The following PPP1R14C variants were observed in gnomAD, a reference collection of about 807,000 sequenced individuals.
PPP1R14C encodes the protein protein phosphatase 1 regulatory subunit 14C.
In PPP1R14C, 16 loss-of-function variants were observed where a neutral mutation model predicts 20.4. The ratio of observed to expected loss-of-function variants is 0.78; its 90% CI spans 0.53 to 1.19. The LOEUF is 1.19. Among genes scored for constraint, PPP1R14C ranks in the 50% most tolerant of loss-of-function variants. The pLI, the probability that PPP1R14C is intolerant of heterozygous loss-of-function variation, is 0.00. For missense variants in PPP1R14C, 211 were observed against 220.1 expected, an observed-to-expected ratio of 0.96 and a Z score of 0.26; for synonymous variants, 91 against 91.0, an observed-to-expected ratio of 1.00 and a Z score of 0.00.
chr6:150,219,028 C>G (rs6926969), intron 3 of PPP1R14C, among the ~76,000 whole-genome samples: 31,604 of 151,494 alleles, frequency 0.21, 4,881 homozygotes, highest in African/African-American at 0.43. Context: ...GATGATCACT[C>G]TCTCTCTCTC....
At position 150,183,428 on chromosome 6, in the gene PPP1R14C, G is replaced by A. The variant is rs560071953; in HGVS notation, c.307-31316G>A. On this transcript the variant is annotated intron_variant, in intron 1 of 3. Coordinates refer to ENST00000361131, the MANE Select transcript of PPP1R14C (RefSeq NM_030949.3). ...AGGGAAATTCAGTGTTCAGAAAAAT[G>A]CTTCCAAATGTCGTAGTACAGAGAA... Among the ~76,000 whole-genome samples, 198 of 152,270 alleles carry A rather than the reference G, an allele frequency of 1.3e-3. 1 individual carries two copies. The South Asian group carries it at 0.021, about 16-fold the overall frequency.
intron 1 of PPP1R14C, among the ~76,000 whole-genome samples, chr6:150,161,864 T>A (rs1245111169): frequency 6.6e-6 from 1 of 152,182 alleles, no homozygotes; most frequent in Non-Finnish European, 1.5e-5. Context: ...GATCCCCCAA[T>A]CTCCTAAATG....
At chr6:150,229,238 T>A (rs2114922698) in intron 3 of PPP1R14C, among the ~76,000 whole-genome samples, 1 of 152,380 alleles carries the variant, frequency 6.6e-6, no homozygotes, top group Middle Eastern at 3.4e-3. Context: ...TTCAGTTATT[T>A]GTAGCAAATA....
At chr6:150,154,798 T>A (rs557058000) in intron 1 of PPP1R14C, among the ~76,000 whole-genome samples, 8 of 152,240 alleles carry the variant, frequency 5.3e-5, no homozygotes, top group South Asian at 2.1e-4. Context: ...CTTTTTTTTT[T>A]AAATCATCTT....
At chr6:150,208,021 TC>T (rs1256604987) in intron 1 of PPP1R14C, among the ~76,000 whole-genome samples, 2 of 151,944 alleles carry the variant, frequency 1.3e-5, no homozygotes, top group Non-Finnish European at 2.9e-5. Context: ...AGGGGGCTGA[TC>T]CACTTTATAA....
In PPP1R14C at chr6:150,143,346, A is replaced by G. The variant is rs1321168158; in HGVS notation, c.154A>G (p.Thr52Ala). ...SSREDSAPVA[T>A]AAAAGQVQQQ... Reference sequence around the variant, plus strand: ...CCGGGAGGACTCGGCGCCCGTGGCCACGGCGGCCGCTGCAGGGCAGGTTCA... The same window carrying G: ...CCGGGAGGACTCGGCGCCCGTGGCCGCGGCGGCCGCTGCAGGGCAGGTTCA... Residue 52 changes from threonine to alanine, a missense_variant, in exon 1 of 4, where the codon ACG becomes GCG. Thr to Ala is a moderately conservative substitution (Grantham distance 58). Coordinates refer to ENST00000361131, the MANE Select transcript of PPP1R14C (RefSeq NM_030949.3). The surrounding 1 kb of genome is among the most constrained non-coding windows in gnomAD (Gnocchi z 5.6). 1.9e-6 allele frequency: 3 copies of G among 1,603,006 alleles called. No homozygotes were observed. Among genetic ancestry groups the G allele is most frequent in the Non-Finnish European group, 1.7e-6 (2 of 1,176,212 alleles).
rs899060405 is a variant in PPP1R14C at position 150,181,406 on chromosome 6, A to G, written c.307-33338A>G. Among the ~76,000 whole-genome samples the G allele has an allele frequency of 1.3e-5, 2 of 152,160 alleles. 1 individual carries two copies. The highest frequency in any genetic ancestry group is 2.9e-5 in the Non-Finnish European group (2 of 68,026). On this transcript the variant is annotated intron_variant, in intron 1 of 3. Transcript: ENST00000361131. ...AGGAAGCTGGTGGACAGTGGTGGGCATTTCTGCTCTGGGATTCAGGTTGTC... is the reference window on the plus strand; with the variant it reads ...AGGAAGCTGGTGGACAGTGGTGGGCGTTTCTGCTCTGGGATTCAGGTTGTC...
At chr6:150,158,154 T>C (rs1022758308) in intron 1 of PPP1R14C, among the ~76,000 whole-genome samples, 1 of 152,182 alleles carries the variant, frequency 6.6e-6, no homozygotes, top group African/African-American at 2.4e-5. Context: ...TTAATAAATA[T>C]GAAAAACCAT....
chr6:150,189,457 G>T (rs1777717027), intron 1 of PPP1R14C, among the ~76,000 whole-genome samples: 1 of 152,026 alleles, frequency 6.6e-6, no homozygotes, highest in Admixed American at 6.5e-5. Context: ...ATTTCTCAGG[G>T]CCACTGTTAT....
intron 2 of PPP1R14C, 93 bp from the exon 3 acceptor site, chr6:150,216,731 A>C (rs1238237064): frequency 3.7e-6 from 3 of 818,648 alleles, no homozygotes; most frequent in Non-Finnish European, 5.9e-6. Context: ...TTATAAAATA[A>C]TACTATGAAT....
At chr6:150,230,795 G>C (rs1457766763) in intron 3 of PPP1R14C, among the ~76,000 whole-genome samples, 2 of 152,164 alleles carry the variant, frequency 1.3e-5, no homozygotes, top group Non-Finnish European at 2.9e-5. Context: ...CTTAAAAGAA[G>C]GACATAAGTA....
intron 3 of PPP1R14C, among the ~76,000 whole-genome samples, chr6:150,227,468 C>T (rs996124772): frequency 6.6e-6 from 1 of 152,146 alleles, no homozygotes; most frequent in Non-Finnish European, 1.5e-5. Flanking sequence ...AGTTAGAAAC[C>T]AAATTGCTTG....
At position 150,249,729 on chromosome 6, in the gene PPP1R14C, A is replaced by G. The variant is rs573930968; in HGVS notation, c.*909A>G. The G allele has an allele frequency of 7.6e-6, 3 of 396,410 alleles. No individual in the cohort carries two copies. In the Admixed American group the frequency reaches 1.3e-4, roughly 17 times the overall value. 24.6% of individuals were successfully genotyped at this position (396,410 alleles called of 1,614,324 possible). On this transcript the variant is annotated 3_prime_UTR_variant, in exon 4 of 4. Coordinates refer to ENST00000361131, the MANE Select transcript of PPP1R14C (RefSeq NM_030949.3). Reference sequence around the variant, plus strand: ...GTGTTTATTCTCTCTCCAGGAAAGCAGATCAAAAGAAAGTTAGCAGATCGA... The same window carrying G: ...GTGTTTATTCTCTCTCCAGGAAAGCGGATCAAAAGAAAGTTAGCAGATCGA...
At chr6:150,242,915 A>C (rs899741867) in intron 3 of PPP1R14C, among the ~76,000 whole-genome samples, 3 of 152,244 alleles carry the variant, frequency 2.0e-5, no homozygotes, top group Admixed American at 6.5e-5. Flanking sequence ...ATTGGAAATA[A>C]AAATATACTG....
In PPP1R14C at chr6:150,248,885, G is replaced by T; in HGVS notation, c.*65G>T. The T allele has an allele frequency of 9.4e-7, 1 of 1,068,228 alleles. No homozygotes were observed. Among genetic ancestry groups the T allele is most frequent in the South Asian group, 1.6e-5 (1 of 62,678 alleles). The allele number at this position is 1,068,228 out of a possible 1,614,324, so 66.2% of individuals were successfully genotyped here. A position where few individuals can be genotyped will look rare whatever the true frequency, so the allele number is the denominator to read the frequency against. Reference sequence around the variant, plus strand: ...AGTCCTGGGATTTGTACTTCATGAAGACTTTTGTGAAAGAATAGGTGTCCT... The same window carrying T: ...AGTCCTGGGATTTGTACTTCATGAATACTTTTGTGAAAGAATAGGTGTCCT... On this transcript the variant is annotated 3_prime_UTR_variant, in exon 4 of 4. Transcript: ENST00000361131.
chr6:150,206,801 T>C lies in PPP1R14C; in HGVS notation c.307-7943T>C, dbSNP rs147367145. Among the ~76,000 whole-genome samples, 494 of 152,146 alleles carry C rather than the reference T, an allele frequency of 3.2e-3. 4 individuals carry two copies. Among genetic ancestry groups the C allele is most frequent in the African/African-American group, 0.011 (473 of 41,520 alleles). ...ATATTATGTAAAACATTCCTTCACTTCACCATGGAGTCAATGGAGTCAGGT... is the reference window on the plus strand; with the variant it reads ...ATATTATGTAAAACATTCCTTCACTCCACCATGGAGTCAATGGAGTCAGGT... On this transcript the variant is annotated intron_variant, in intron 1 of 3. Coordinates refer to ENST00000361131, the MANE Select transcript of PPP1R14C (RefSeq NM_030949.3).
chr6:150,170,242 G>A (rs1777481154), intron 1 of PPP1R14C, among the ~76,000 whole-genome samples: 1 of 151,846 alleles, frequency 6.6e-6, no homozygotes, highest in Admixed American at 6.6e-5. Flanking sequence ...TGCCACACAA[G>A]AAAGAATAAG....
At chr6:150,238,291 G>C (rs186212966) in intron 3 of PPP1R14C, among the ~76,000 whole-genome samples, 19 of 152,334 alleles carry the variant, frequency 1.2e-4, no homozygotes, top group African/African-American at 4.3e-4. Context: ...CAACTGCTAG[G>C]AAACTAGAAT....
At chr6:150,237,184 G>T (rs551171295) in intron 3 of PPP1R14C, among the ~76,000 whole-genome samples, 81 of 152,168 alleles carry the variant, frequency 5.3e-4, no homozygotes, top group African/African-American at 1.9e-3. Flanking sequence ...ATTTTTCTTA[G>T]TGTGGTCAGA....
Sources: gnomAD v4.1 joint callset for allele counts (sites outside exome capture counted in the v4.1 genomes callset) on GRCh38, gnomAD v4.1.1 for gene constraint, Gnocchi (gnomAD v3.1) non-coding constraint, MANE v1.5 for transcripts, NCBI Gene and HGNC (gene_info 2026-07-23, HGNC 2026-07-21) for gene names.